The following TAS2R1 variants were observed in gnomAD, a reference collection of about 807,000 sequenced individuals.
TAS2R1 encodes the protein taste 2 receptor member 1.
For synonymous variants in TAS2R1, 141 were observed against 134.2 expected (o/e 1.05, Z -0.35); for missense variants, 370 against 353.4 (o/e 1.05, Z -0.38).
At chr5:9,900,122 G>T in the TAS2R1 span, among the ~76,000 whole-genome samples, 2 of 152,238 alleles carry the variant, frequency 1.3e-5, no homozygotes, top group African/African-American at 2.4e-5. Context: ...TGTATACTGG[G>T]TACAGATATG....
chr5:9,896,421 T>G, the TAS2R1 span, among the ~76,000 whole-genome samples: 5 of 152,292 alleles, frequency 3.3e-5, no homozygotes, highest in Admixed American at 3.3e-4. Flanking sequence ...AAGAACCTAA[T>G]TGGTTTAGGT....
At chr5:9,857,112 A>G in the TAS2R1 span, among the ~76,000 whole-genome samples, 1 of 152,218 alleles carries the variant, frequency 6.6e-6, no homozygotes, top group African/African-American at 2.4e-5. Context: ...ATGGAAGCAT[A>G]GAGTAGAATT....
intron 1 of TAS2R1, among the ~76,000 whole-genome samples, chr5:9,685,179 T>C (rs1008357005): frequency 2.6e-5 from 4 of 152,124 alleles, no homozygotes; most frequent in Non-Finnish European, 5.9e-5. Flanking sequence ...TCTGGGTGAA[T>C]AGAAAATAAC....
chr5:9,873,594 C>T, the TAS2R1 span, among the ~76,000 whole-genome samples: 3 of 151,642 alleles, frequency 2.0e-5, no homozygotes, highest in Non-Finnish European at 4.4e-5. Flanking sequence ...ACGCTGGGCT[C>T]GGTGGCTCAC....
chr5:9,842,121 A>G, the TAS2R1 span, among the ~76,000 whole-genome samples: 6 of 152,112 alleles, frequency 3.9e-5, no homozygotes, highest in African/African-American at 1.4e-4. Context: ...TGTGTGTAAA[A>G]ACCTTCATCA....
chr5:9,696,112 T>C (rs987275855), intron 1 of TAS2R1, among the ~76,000 whole-genome samples: 1 of 152,194 alleles, frequency 6.6e-6, no homozygotes, highest in Non-Finnish European at 1.5e-5. Context: ...GTTTCTCCTA[T>C]GACCCGGTAG....
At chr5:9,839,677 G>A in the TAS2R1 span, among the ~76,000 whole-genome samples, 1 of 152,138 alleles carries the variant, frequency 6.6e-6, no homozygotes. Context: ...GGCTTAACAT[G>A]AGAGGCATTG....
the TAS2R1 span, among the ~76,000 whole-genome samples, chr5:9,811,863 C>A: frequency 3.0e-4 from 46 of 152,024 alleles, no homozygotes; most frequent in Non-Finnish European, 5.1e-4. Context: ...AAATGACAAG[C>A]CATCCCTTCC....
At chr5:9,793,898 G>T in the TAS2R1 span, among the ~76,000 whole-genome samples, 2 of 152,164 alleles carry the variant, frequency 1.3e-5, no homozygotes, top group Admixed American at 1.3e-4. Context: ...CCACACTCCA[G>T]AGCTGAGCCT....
chr5:9,873,366 C>T, the TAS2R1 span, among the ~76,000 whole-genome samples: 1 of 152,008 alleles, frequency 6.6e-6, no homozygotes, highest in South Asian at 2.1e-4. Context: ...CACAGGGGTG[C>T]CCCATATGAG....
chr5:9,823,507 G>A, the TAS2R1 span, among the ~76,000 whole-genome samples: 859 of 146,438 alleles, frequency 5.9e-3, 7 homozygotes, highest in African/African-American at 0.019. Context: ...AAGAGGAAGG[G>A]GAAGGGAGGG....
chr5:9,717,999 T>C, the TAS2R1 span, among the ~76,000 whole-genome samples: 1 of 152,222 alleles, frequency 6.6e-6, no homozygotes, highest in Non-Finnish European at 1.5e-5. Flanking sequence ...CTCACTCTGT[T>C]GCCACGCTGG....
the TAS2R1 span, chr5:9,863,136 A>G: frequency 1.3e-5 from 2 of 152,154 alleles, no homozygotes; most frequent in African/African-American, 4.8e-5. Context: ...ATATAATATC[A>G]TATTAAATAT....
intron 2 of TAS2R1, among the ~76,000 whole-genome samples, chr5:9,639,732 G>C (rs1740035269): frequency 6.6e-6 from 1 of 152,206 alleles, no homozygotes; most frequent in Non-Finnish European, 1.5e-5. Context: ...TTTTATGTTA[G>C]ATGGCTTCTT....
At chr5:9,658,652 A>G (rs1172723068) in intron 2 of TAS2R1, 2 of 152,194 alleles carry the variant, frequency 1.3e-5, no homozygotes, top group African/African-American at 4.8e-5. Context: ...TGGATGAGTT[A>G]CCCGTGGATC....
the TAS2R1 span, among the ~76,000 whole-genome samples, chr5:9,903,321 C>T: frequency 2.0e-5 from 3 of 151,962 alleles, no homozygotes; most frequent in African/African-American, 7.3e-5. Context: ...CAGTTTCATC[C>T]ATGTTGTCCT....
At chr5:9,718,177 G>T in the TAS2R1 span, among the ~76,000 whole-genome samples, 1 of 150,930 alleles carries the variant, frequency 6.6e-6, no homozygotes, top group African/African-American at 2.4e-5. Flanking sequence ...CGCCGTGTTG[G>T]CCAGGATCGT....
the TAS2R1 span, among the ~76,000 whole-genome samples, chr5:9,823,014 T>G: frequency 5.8e-3 from 468 of 80,732 alleles, 1 homozygote; most frequent in African/African-American, 0.021. Context: ...TCTCTTCCTC[T>G]CCACCAAAAA....
the TAS2R1 span, chr5:9,889,622 A>G: frequency 2.6e-5 from 4 of 152,058 alleles, no homozygotes; most frequent in African/African-American, 7.3e-5. Flanking sequence ...AGTGCTTCTG[A>G]CTTTATTGTG....
Sources: gnomAD v4.1 joint callset for allele counts (sites outside exome capture counted in the v4.1 genomes callset) on GRCh38, gnomAD v4.1.1 for gene constraint, MANE v1.5 for transcripts, NCBI Gene and HGNC (gene_info 2026-07-23, HGNC 2026-07-21) for gene names.